The following CFAP299 variants were observed in gnomAD, a reference collection of about 807,000 sequenced individuals.
The protein encoded by CFAP299 is cilia- and flagella-associated protein 299.
CFAP299 carries 21 observed loss-of-function variants against 27.0 expected under a neutral mutation model. The observed-to-expected ratio is 0.78, with a 90% CI of 0.55 to 1.12. The LOEUF (loss-of-function observed/expected upper bound fraction) is 1.12, where lower values mean the gene tolerates loss of function less well. CFAP299 is among the 50% of genes most tolerant of loss of function. The pLI is 0.00. For synonymous variants in CFAP299, 104 were observed against 98.1 expected (o/e 1.06, Z -0.36); for missense variants, 310 against 276.6 (o/e 1.12, Z -0.86).
chr4:80,506,891 CAAAA>C (rs915295447), intron 2 of CFAP299, among the ~76,000 whole-genome samples: 2 of 152,008 alleles, frequency 1.3e-5, no homozygotes, highest in Non-Finnish European at 2.9e-5. Context: ...ATAAAGAAAA[CAAAA>C]AAGCTGATCA....
chr4:80,572,956 T>C (rs1297617351), intron 2 of CFAP299, among the ~76,000 whole-genome samples: 1 of 152,126 alleles, frequency 6.6e-6, no homozygotes, highest in African/African-American at 2.4e-5. Context: ...AGACATGATA[T>C]ACTGATATAC....
intron 2 of CFAP299, among the ~76,000 whole-genome samples, chr4:80,451,598 A>G (rs1170545878): frequency 6.6e-6 from 1 of 152,244 alleles, no homozygotes. Flanking sequence ...ACTGAAAATA[A>G]CTAAATTCAC....
intron 2 of CFAP299, among the ~76,000 whole-genome samples, chr4:80,423,879 T>C (rs1318985974): frequency 1.3e-5 from 2 of 152,154 alleles, no homozygotes; most frequent in East Asian, 1.9e-4. Context: ...GCTGTCTGTG[T>C]TCCAAGGGAG....
intron 2 of CFAP299, among the ~76,000 whole-genome samples, chr4:80,562,403 G>C (rs1313874683): frequency 6.6e-6 from 1 of 151,994 alleles, no homozygotes; most frequent in East Asian, 1.9e-4. Flanking sequence ...TTCGAGACTA[G>C]CCTGTCCAAC....
intron 3 of CFAP299, among the ~76,000 whole-genome samples, chr4:80,702,040 C>T (rs1255207670): frequency 6.6e-6 from 1 of 151,796 alleles, no homozygotes; most frequent in Non-Finnish European, 1.5e-5. Context: ...GACACTCTGC[C>T]AGAACATATC....
intron 2 of CFAP299, among the ~76,000 whole-genome samples, chr4:80,398,982 A>G (rs1331469015): frequency 6.6e-6 from 1 of 152,156 alleles, no homozygotes; most frequent in Non-Finnish European, 1.5e-5. Context: ...AAGAACTCAA[A>G]CAAATTTACA....
chr4:80,461,837 T>C (rs1422113007), intron 2 of CFAP299, among the ~76,000 whole-genome samples: 1 of 152,200 alleles, frequency 6.6e-6, no homozygotes, highest in African/African-American at 2.4e-5. Context: ...CTTGGACATA[T>C]GGATTTGCAT....
intron 3 of CFAP299, among the ~76,000 whole-genome samples, chr4:80,740,366 G>A (rs1418813511): frequency 6.6e-6 from 1 of 152,196 alleles, no homozygotes; most frequent in African/African-American, 2.4e-5. Context: ...GAGTTTTGCT[G>A]ACTCGCAGAG....
chr4:80,722,187 G>T (rs1026790810), intron 3 of CFAP299, among the ~76,000 whole-genome samples: 1 of 152,148 alleles, frequency 6.6e-6, no homozygotes, highest in African/African-American at 2.4e-5. Context: ...GGAGGCTGAG[G>T]TGGGCGGATC....
intron 1 of CFAP299, among the ~76,000 whole-genome samples, chr4:80,352,178 A>G (rs1205950809): frequency 1.3e-5 from 2 of 152,214 alleles, no homozygotes; most frequent in Non-Finnish European, 2.9e-5. Context: ...GAAAGAGTAG[A>G]CAAATTCACA....
intron 3 of CFAP299, among the ~76,000 whole-genome samples, chr4:80,857,166 A>T (rs1731962524): frequency 6.6e-6 from 1 of 152,192 alleles, no homozygotes; most frequent in South Asian, 2.1e-4. Context: ...CTTTGAAGCA[A>T]TTGTGAATGG....
At chr4:80,630,110 GA>G (rs1027052512) in intron 3 of CFAP299, among the ~76,000 whole-genome samples, 2 of 151,918 alleles carry the variant, frequency 1.3e-5, no homozygotes, top group Non-Finnish European at 2.9e-5. Flanking sequence ...GAATTTTGGA[GA>G]AAAAAAGAAT....
At chr4:80,892,339 G>A (rs987623552) in intron 4 of CFAP299, among the ~76,000 whole-genome samples, 9 of 152,116 alleles carry the variant, frequency 5.9e-5, no homozygotes, top group Admixed American at 2.0e-4. Context: ...ATCTCTCACT[G>A]TATACAAAAA....
chr4:80,829,823 G>A (rs77497120), intron 3 of CFAP299, among the ~76,000 whole-genome samples: 2 of 152,110 alleles, frequency 1.3e-5, no homozygotes, highest in Non-Finnish European at 2.9e-5. Flanking sequence ...ATAAGCTAGT[G>A]ACAAAAAGAC....
At chr4:80,667,547 A>T (rs939446870) in intron 3 of CFAP299, among the ~76,000 whole-genome samples, 5 of 152,050 alleles carry the variant, frequency 3.3e-5, no homozygotes, top group Non-Finnish European at 7.4e-5. Flanking sequence ...GTCTTCCTTC[A>T]TGAGACCCAC....
intron 3 of CFAP299, among the ~76,000 whole-genome samples, chr4:80,823,814 T>C (rs1729837651): frequency 6.6e-6 from 1 of 152,112 alleles, no homozygotes; most frequent in South Asian, 2.1e-4. Context: ...GAGGTTAAGT[T>C]ACCAGCACAA....
At chr4:80,641,298 G>A (rs1009079456) in intron 3 of CFAP299, among the ~76,000 whole-genome samples, 8 of 151,980 alleles carry the variant, frequency 5.3e-5, no homozygotes, top group South Asian at 2.1e-4. Flanking sequence ...TCTGACTCCC[G>A]GGTTCAAGTG....
intron 3 of CFAP299, among the ~76,000 whole-genome samples, chr4:80,853,878 A>G (rs1315186458): frequency 6.6e-6 from 1 of 152,154 alleles, no homozygotes; most frequent in Non-Finnish European, 1.5e-5. Flanking sequence ...TGTGTGATGG[A>G]CATGTTCAGT....
chr4:80,321,540 A>G, the CFAP299 span, among the ~76,000 whole-genome samples: 1 of 151,902 alleles, frequency 6.6e-6, no homozygotes, highest in Non-Finnish European at 1.5e-5. Flanking sequence ...CACTGCCCCC[A>G]TGCCCATGAA....
Sources: gnomAD v4.1 joint callset for allele counts (sites outside exome capture counted in the v4.1 genomes callset) on GRCh38, gnomAD v4.1.1 for gene constraint, MANE v1.5 for transcripts, NCBI Gene and HGNC (gene_info 2026-07-23, HGNC 2026-07-21) for gene names.